The following WDR7 variants were observed in gnomAD, a reference collection of about 807,000 sequenced individuals.
WDR7 encodes the protein WD repeat domain 7, also known as WD repeat-containing protein 7.
Under a neutral mutation model 169.4 loss-of-function variants are expected in WDR7, and 46 were observed. That is an observed-to-expected ratio of 0.27 (90% CI 0.21 to 0.35). WDR7 has a LOEUF of 0.35. WDR7 is among the 10% of genes least tolerant of loss of function. The pLI is 1.00. For synonymous variants in WDR7, 612 were observed against 666.8 expected, an observed-to-expected ratio of 0.92 and a Z score of 1.27; for missense variants, 1,534 against 1,859.3, an observed-to-expected ratio of 0.83 and a Z score of 3.22.
At chr18:56,916,611 C>G (rs939353655) in intron 21 of WDR7, among the ~76,000 whole-genome samples, 1 of 152,004 alleles carries the variant, frequency 6.6e-6, no homozygotes, top group African/African-American at 2.4e-5. Flanking sequence ...TTATCTTGTG[C>G]CATTTCTGCA....
intron 2 of WDR7, among the ~76,000 whole-genome samples, chr18:56,676,861 C>T (rs1293804704): frequency 6.6e-6 from 1 of 151,986 alleles, no homozygotes; most frequent in African/African-American, 2.4e-5. Flanking sequence ...AGGCCCATGT[C>T]ACTGTGTCAG....
At chr18:56,996,784 A>G (rs2047905196) in intron 26 of WDR7, among the ~76,000 whole-genome samples, 1 of 152,236 alleles carries the variant, frequency 6.6e-6, no homozygotes, top group Non-Finnish European at 1.5e-5. Context: ...GGCTTTCAGC[A>G]GACAGCAGGA....
At chr18:56,673,845 C>T (rs1168543260) in intron 2 of WDR7, among the ~76,000 whole-genome samples, 1 of 151,346 alleles carries the variant, frequency 6.6e-6, no homozygotes, top group Non-Finnish European at 1.5e-5. Flanking sequence ...AAAGTCACTT[C>T]TAATACTCAT....
At chr18:56,960,505 C>A (rs1435326179) in intron 25 of WDR7, among the ~76,000 whole-genome samples, 1 of 152,096 alleles carries the variant, frequency 6.6e-6, no homozygotes, top group Non-Finnish European at 1.5e-5. Flanking sequence ...TGCCTATTAA[C>A]CTGCACAGAA....
At chr18:56,894,386 C>T (rs552131239) in intron 21 of WDR7, among the ~76,000 whole-genome samples, 1 of 152,138 alleles carries the variant, frequency 6.6e-6, no homozygotes, top group South Asian at 2.1e-4. Flanking sequence ...TTGCTTACTC[C>T]AGTGCCCTGG....
At chr18:56,837,255 C>T (rs1436101919) in intron 20 of WDR7, among the ~76,000 whole-genome samples, 1 of 152,158 alleles carries the variant, frequency 6.6e-6, no homozygotes, top group African/African-American at 2.4e-5. Context: ...GTAAAGAGAT[C>T]TCAAAATTAG....
At chr18:57,024,485 C>T (rs564920316) in intron 27 of WDR7, among the ~76,000 whole-genome samples, 2 of 151,416 alleles carry the variant, frequency 1.3e-5, no homozygotes, top group South Asian at 2.1e-4. Flanking sequence ...GGGTCTTTAT[C>T]GTTCCACATG....
intron 20 of WDR7, among the ~76,000 whole-genome samples, chr18:56,875,938 A>G (rs1714997875): frequency 1.3e-5 from 2 of 152,192 alleles, no homozygotes; most frequent in South Asian, 4.1e-4. Flanking sequence ...CCTTGACACC[A>G]GTCTTGTTTG....
intron 25 of WDR7, 136 bp downstream of exon 25, chr18:56,939,529 CAA>C: frequency 1.9e-6 from 1 of 521,706 alleles, no homozygotes; most frequent in Non-Finnish European, 3.2e-6. Flanking sequence ...CTTTCTAAAA[CAA>C]TATGGGCAGG....
chr18:57,018,086 A>G (rs140416936), intron 26 of WDR7, among the ~76,000 whole-genome samples: 63 of 152,330 alleles, frequency 4.1e-4, no homozygotes, highest in Middle Eastern at 3.4e-3. Flanking sequence ...CTGGTGGTTT[A>G]TAGCCTGCTT....
chr18:57,006,700 T>C (rs2048062828), intron 26 of WDR7, among the ~76,000 whole-genome samples: 1 of 152,208 alleles, frequency 6.6e-6, no homozygotes, highest in African/African-American at 2.4e-5. Context: ...ATGAATTGTG[T>C]GGCTATAATT....
chr18:56,923,668 T>C (rs892253958), intron 21 of WDR7, among the ~76,000 whole-genome samples: 1 of 152,220 alleles, frequency 6.6e-6, no homozygotes, highest in African/African-American at 2.4e-5. Context: ...GTTTTGAAAT[T>C]ATATATACTC....
intron 16 of WDR7, among the ~76,000 whole-genome samples, chr18:56,771,386 G>C (rs1393638995): frequency 1.3e-5 from 2 of 152,094 alleles, no homozygotes; most frequent in African/African-American, 4.8e-5. Flanking sequence ...AAGCTAAAGA[G>C]AGGATGATGA....
At chr18:56,842,510 C>A (rs1320050095) in intron 20 of WDR7, among the ~76,000 whole-genome samples, 1 of 152,134 alleles carries the variant, frequency 6.6e-6, no homozygotes, top group Non-Finnish European at 1.5e-5. Context: ...CGCCATGTTG[C>A]AAGGTTTGAT....
intron 22 of WDR7, among the ~76,000 whole-genome samples, chr18:56,926,739 A>C (rs2046814103): frequency 6.6e-6 from 1 of 152,236 alleles, no homozygotes. Context: ...AGCCTTGAGG[A>C]GTCCAATGTA....
chr18:56,988,918 A>G (rs1463608958), intron 26 of WDR7, among the ~76,000 whole-genome samples: 1 of 152,040 alleles, frequency 6.6e-6, no homozygotes, highest in Non-Finnish European at 1.5e-5. Context: ...TAAATTGATT[A>G]TATTTCAGGG....
At chr18:56,706,672 A>G (rs1340178544) in intron 12 of WDR7, among the ~76,000 whole-genome samples, 1 of 152,100 alleles carries the variant, frequency 6.6e-6, no homozygotes, top group Non-Finnish European at 1.5e-5. Context: ...ATGACTTTTT[A>G]GAAAAATTTT....
At chr18:56,856,644 A>T (rs951348500) in intron 20 of WDR7, among the ~76,000 whole-genome samples, 1 of 151,990 alleles carries the variant, frequency 6.6e-6, no homozygotes, top group African/African-American at 2.4e-5. Context: ...GTTATAATGT[A>T]TATTTATAGG....
intron 26 of WDR7, among the ~76,000 whole-genome samples, chr18:56,972,751 T>C (rs1337500632): frequency 6.6e-6 from 1 of 152,226 alleles, no homozygotes; most frequent in Non-Finnish European, 1.5e-5. Context: ...ATTCTGAAAG[T>C]TTAAAATTTT....
Sources: allele counts gnomAD v4.1 joint callset (sites outside exome capture counted in the v4.1 genomes callset), GRCh38; gene constraint gnomAD v4.1.1; transcripts MANE v1.5; gene names NCBI Gene and HGNC (gene_info 2026-07-23, HGNC 2026-07-21).